NRXN3: variants seen among roughly 807,000 people sequenced by gnomAD.
The protein encoded by NRXN3 is neurexin III.
In NRXN3, 32 loss-of-function variants were observed where a neutral mutation model predicts 137.6. That is an observed-to-expected ratio of 0.23 (90% confidence interval 0.18 to 0.31). The LOEUF (loss-of-function observed/expected upper bound fraction) is 0.31, where lower values mean the gene tolerates loss of function less well. Among genes scored for constraint, NRXN3 ranks in the 10% least tolerant of loss-of-function variants. NRXN3 has a pLI of 1.00. For synonymous variants in NRXN3, 798 were observed against 784.5 expected, an observed-to-expected ratio of 1.02 and a Z score of -0.29; for missense variants, 1,574 against 2,062.5, an observed-to-expected ratio of 0.76 and a Z score of 4.59.
intron 15 of NRXN3, among the ~76,000 whole-genome samples, chr14:79,086,329 A>G (rs2048090904): frequency 1.3e-5 from 2 of 152,100 alleles, no homozygotes; most frequent in South Asian, 2.1e-4. Context: ...AAATCTTTCT[A>G]TTTTTAGACC....
chr14:78,912,803 A>T (rs142932105), intron 10 of NRXN3, among the ~76,000 whole-genome samples: 32 of 152,310 alleles, frequency 2.1e-4, no homozygotes, highest in African/African-American at 7.2e-4. Flanking sequence ...AATGAATGAG[A>T]ATACATGGAG....
intron 20 of NRXN3, among the ~76,000 whole-genome samples, chr14:79,841,172 C>G (rs1001857757): frequency 4.6e-5 from 7 of 152,256 alleles, no homozygotes; most frequent in Middle Eastern, 6.8e-3. Context: ...CTTGGGCAAA[C>G]TTTTCATCTT....
At chr14:78,622,190 C>A (rs560918979) in intron 4 of NRXN3, among the ~76,000 whole-genome samples, 5 of 152,246 alleles carry the variant, frequency 3.3e-5, no homozygotes, top group Admixed American at 6.5e-5. Flanking sequence ...ACCCAGCTGC[C>A]AGTTTGACTA....
chr14:79,671,042 A>T (rs1203695566), intron 17 of NRXN3, among the ~76,000 whole-genome samples: 1 of 152,184 alleles, frequency 6.6e-6, no homozygotes, highest in East Asian at 1.9e-4. Flanking sequence ...ACCGTCTCTC[A>T]GCCAAACTCA....
chr14:79,464,161 A>C (rs2096390437), intron 15 of NRXN3, among the ~76,000 whole-genome samples: 1 of 152,148 alleles, frequency 6.6e-6, no homozygotes, highest in African/African-American at 2.4e-5. Context: ...CTATGGGAGC[A>C]TTCAGGGCCT....
chr14:79,481,606 T>G (rs2153638706), intron 16 of NRXN3, among the ~76,000 whole-genome samples: 1 of 152,338 alleles, frequency 6.6e-6, no homozygotes, highest in East Asian at 1.9e-4. Context: ...ATTGTAATTT[T>G]ATGGGAATGT....
At chr14:79,154,774 C>T (rs1473396929) in intron 15 of NRXN3, among the ~76,000 whole-genome samples, 2 of 151,924 alleles carry the variant, frequency 1.3e-5, no homozygotes, top group Non-Finnish European at 2.9e-5. Flanking sequence ...ACTACATTAT[C>T]ATTAAACTAC....
Position 79,632,603 on chromosome 14 carries a change from C to T in NRXN3, c.3445-31175C>T, listed in dbSNP as rs1413531706. On this transcript the variant is annotated intron_variant, in intron 16 of 20. Transcript: ENST00000335750. ...CTCACCCATGTTCTACAAAATTTCA[C>T]TTCATGATTAAAACAAATTATATCT... 2.0e-5 allele frequency among the ~76,000 whole-genome samples: 3 copies of T among 152,180 alleles called. No individual in the cohort carries two copies. In the East Asian group the frequency reaches 5.8e-4, roughly 29 times the overall value.
intron 17 of NRXN3, among the ~76,000 whole-genome samples, chr14:79,672,853 C>A (rs1252130685): frequency 6.6e-6 from 1 of 152,002 alleles, no homozygotes; most frequent in Non-Finnish European, 1.5e-5. Flanking sequence ...CCAGTCTCTT[C>A]AATTTAAATT....
chr14:79,519,768 C>CTTT (rs200757761), intron 16 of NRXN3, among the ~76,000 whole-genome samples: 4,977 of 119,242 alleles, frequency 0.042, 239 homozygotes, highest in African/African-American at 0.12. Context: ...AATAGTATTT[C>CTTT]TTTTTTTTTT....
chr14:79,007,805 C>CAA (rs1160867331), intron 15 of NRXN3, among the ~76,000 whole-genome samples: 598 of 35,588 alleles, frequency 0.017, 8 homozygotes, highest in African/African-American at 0.028. Flanking sequence ...GACTCCATCT[C>CAA]AAAAAAAAAA....
At chr14:79,514,312 C>T (rs544912407) in intron 16 of NRXN3, among the ~76,000 whole-genome samples, 2 of 152,008 alleles carry the variant, frequency 1.3e-5, no homozygotes, top group African/African-American at 4.8e-5. Context: ...CAGTACTGGC[C>T]TAAAATTCAA....
chr14:78,582,534 AAATT>A (rs2097012629), intron 4 of NRXN3, among the ~76,000 whole-genome samples: 1 of 152,186 alleles, frequency 6.6e-6, no homozygotes, highest in African/African-American at 2.4e-5. Context: ...TTTCATAAAT[AAATT>A]AATATCATTA....
intron 10 of NRXN3, among the ~76,000 whole-genome samples, chr14:78,856,466 T>G (rs1220095979): frequency 1.3e-5 from 2 of 152,224 alleles, no homozygotes; most frequent in African/African-American, 4.8e-5. Flanking sequence ...TATTGGGTTC[T>G]TGGGAACTTG....
chr14:78,444,329 T>TGGCCCCAGGGTGCCC (rs1358877978), intron 4 of NRXN3, among the ~76,000 whole-genome samples: 1 of 152,204 alleles, frequency 6.6e-6, no homozygotes, highest in Non-Finnish European at 1.5e-5. Flanking sequence ...CCAGGGTTCC[T>TGGCCCCAGGGTGCCC]GGCCCCAGGG....
At chr14:79,303,345 T>A (rs1263281922) in intron 15 of NRXN3, among the ~76,000 whole-genome samples, 3 of 152,072 alleles carry the variant, frequency 2.0e-5, no homozygotes, top group Non-Finnish European at 2.9e-5. Flanking sequence ...ACTTTTTGAA[T>A]CAGATAGGAC....
At chr14:78,687,369 C>T (rs2098133622) in intron 6 of NRXN3, among the ~76,000 whole-genome samples, 1 of 151,978 alleles carries the variant, frequency 6.6e-6, no homozygotes, top group African/African-American at 2.4e-5. Context: ...TTACTGCAAC[C>T]CAGGGAGGAA....
intron 1 of NRXN3, among the ~76,000 whole-genome samples, chr14:78,203,826 GTGTGTGTGTGTGGTT>G (rs879813134): frequency 0.18 from 15,116 of 85,940 alleles, 696 homozygotes; most frequent in Middle Eastern, 0.23. Context: ...GTGTGTGTGT[GTGTGTGTGTGTGGTT>G]TGTGTGTGTG....
intron 16 of NRXN3, among the ~76,000 whole-genome samples, chr14:79,558,247 C>T (rs921000276): frequency 2.0e-5 from 3 of 152,080 alleles, no homozygotes; most frequent in Non-Finnish European, 4.4e-5. Flanking sequence ...TTTGACCTCC[C>T]ATGAATCATT....
Sources: allele counts gnomAD v4.1 joint callset (sites outside exome capture counted in the v4.1 genomes callset), GRCh38; gene constraint gnomAD v4.1.1; transcripts MANE v1.5; gene names NCBI Gene and HGNC (gene_info 2026-07-23, HGNC 2026-07-21).